DGCR6: variants seen among roughly 807,000 people sequenced by gnomAD.
The protein encoded by DGCR6 is protein DGCR6.
intron 2 of DGCR6, chr22:18,908,638 G>A (rs1484565734): frequency 3.1e-6 from 1 of 323,124 alleles, no homozygotes; most frequent in East Asian, 7.2e-5. Flanking sequence ...GGCGCTCCAG[G>A]CACCTTTAGA....
At chr22:18,909,672 G>A (rs1443977940) in intron 2 of DGCR6, among the ~76,000 whole-genome samples, 1 of 77,032 alleles carries the variant, frequency 1.3e-5, no homozygotes, top group African/African-American at 3.9e-5. Context: ...GGGGCTGGGA[G>A]CTGCAAATGG....
rs1279476573 is a variant in DGCR6 at position 18,909,695 on chromosome 22, C to T, written c.272-477C>T. Among the ~76,000 whole-genome samples, 2 of 83,504 alleles carry T rather than the reference C, an allele frequency of 2.4e-5. 1 individual carries two copies. Among genetic ancestry groups the T allele is most frequent in the Non-Finnish European group, 6.3e-5 (2 of 31,694 alleles). The allele number at this position is 83,504 out of a possible 152,430, so 54.8% of individuals were successfully genotyped here. ...GAGCTGCAAATGGGGGAGGGGGCTG[C>T]CCACCCTGAAGGGCAGCACCAAGGG... On this transcript the variant is annotated intron_variant, in intron 2 of 4. Transcript: ENST00000331444.
At position 18,910,189 on chromosome 22, in the gene DGCR6, C is replaced by CTT; in HGVS notation, c.289_290insTT (p.Arg97LeufsTer28). The CTT allele has an allele frequency of 1.9e-5, 1 of 51,426 alleles. No individual in the cohort carries two copies. The highest frequency in any genetic ancestry group is 4.4e-5 in the Non-Finnish European group (1 of 22,938). 3.2% of individuals were successfully genotyped at this position (51,426 alleles called of 1,614,324 possible). A position where few individuals can be genotyped will look rare whatever the true frequency, so the allele number is the denominator to read the frequency against. On this transcript the variant is annotated frameshift_variant, in exon 3 of 5. Coordinates refer to ENST00000331444, the MANE Select transcript of DGCR6 (RefSeq NM_005675.6). LOFTEE classifies it high-confidence loss of function. ...CCTCCCAGTGCTCAGGCAGGCGCTGCGGCAGAAGCACCAGGAAGCCCAGCA... is the reference window on the plus strand; with the variant it reads ...CCTCCCAGTGCTCAGGCAGGCGCTGCTTGGCAGAAGCACCAGGAAGCCCAGCA...
intron 2 of DGCR6, among the ~76,000 whole-genome samples, chr22:18,909,508 AG>A (rs1221885375): frequency 1.8e-5 from 1 of 54,720 alleles, no homozygotes; most frequent in Non-Finnish European, 5.0e-5. Context: ...ACAGTTTAGC[AG>A]GGACCGTGGA....
Position 18,911,338 on chromosome 22 carries a change from C to T in DGCR6, c.514-202C>T, listed in dbSNP as rs1414803623. On this transcript the variant is annotated intron_variant, in intron 4 of 4. Transcript: ENST00000331444. The stretch of plus-strand genomic sequence containing the variant: ...CTGCTGGGTGCAGAGGCTCAGATTC[C>T]GAGTGGCCCTGCTGGGGGCAGAGGC... Among the ~76,000 whole-genome samples the T allele has an allele frequency of 2.8e-4, 4 of 14,242 alleles. 2 individuals carry two copies. The highest frequency in any genetic ancestry group is 1.8e-3 in the Admixed American group (2 of 1,088). 9.3% of individuals were successfully genotyped at this position (14,242 alleles called of 152,430 possible).
Position 18,909,052 on chromosome 22 carries a change from G to A in DGCR6, c.272-1120G>A, listed in dbSNP as rs1032730190. The stretch of plus-strand genomic sequence containing the variant: ...GAATCTCGTAGTGGACCTGGCACTT[G>A]TAGCAATGTTTGATCAGTAGAGTGA... On this transcript the variant is annotated intron_variant, in intron 2 of 4. Transcript: ENST00000331444. Among the ~76,000 whole-genome samples the A allele has an allele frequency of 9.8e-5, 10 of 101,710 alleles. 2 individuals carry two copies. Among genetic ancestry groups the A allele is most frequent in the Non-Finnish European group, 2.2e-4 (9 of 40,374 alleles). 66.7% of individuals were successfully genotyped at this position (101,710 alleles called of 152,430 possible).
intron 2 of DGCR6, among the ~76,000 whole-genome samples, chr22:18,909,665 G>A (rs143053623): frequency 0.011 from 841 of 74,808 alleles, 199 homozygotes; most frequent in African/African-American, 0.031. Flanking sequence ...CTGTGTAGGG[G>A]CTGGGAGCTG....
In DGCR6 at chr22:18,908,948, G is replaced by A. The variant is rs1342516392; in HGVS notation, c.272-1224G>A. ...CTGCTCCTGCCTCCTTTGTGTTCCC[G>A]GTCGTGTCTAAGGCCAGGCCCCTTC... On this transcript the variant is annotated intron_variant, in intron 2 of 4. Coordinates refer to ENST00000331444, the MANE Select transcript of DGCR6 (RefSeq NM_005675.6). Among the ~76,000 whole-genome samples the A allele has an allele frequency of 2.0e-5, 2 of 99,702 alleles. 1 individual carries two copies. The highest frequency in any genetic ancestry group is 5.0e-5 in the Non-Finnish European group (2 of 39,814). The allele number at this position is 99,702 out of a possible 152,430, so 65.4% of individuals were successfully genotyped here. A position where few individuals can be genotyped will look rare whatever the true frequency, so the allele number is the denominator to read the frequency against.
Sources: gnomAD v4.1 joint callset for allele counts (sites outside exome capture counted in the v4.1 genomes callset) on GRCh38, gnomAD v4.1.1 for gene constraint, MANE v1.5 for transcripts, NCBI Gene and HGNC (gene_info 2026-07-23, HGNC 2026-07-21) for gene names.